Variants in ABHD5 observed in about 807,000 individuals in gnomAD.
ABHD5 encodes the protein abhydrolase domain containing 5, lysophosphatidic acid acyltransferase.
ABHD5 carries 30 observed loss-of-function variants against 44.9 expected under a neutral mutation model. The ratio of observed to expected loss-of-function variants is 0.67; its 90% confidence interval spans 0.50 to 0.91. The LOEUF is 0.91. Ranked by LOEUF, ABHD5 falls within the 40% of genes least tolerant of loss-of-function variation. ABHD5 has a pLI of 0.00. For missense variants in ABHD5, 399 were observed against 423.4 expected, an observed-to-expected ratio of 0.94 and a Z score of 0.50; for synonymous variants, 167 against 147.0, an observed-to-expected ratio of 1.14 and a Z score of -0.99.
intron 3 of ABHD5, among the ~76,000 whole-genome samples, chr3:43,706,329 C>A (rs542476032): frequency 5.1e-4 from 78 of 152,200 alleles, no homozygotes; most frequent in African/African-American, 1.8e-3. Context: ...TTCAGAAAGA[C>A]TTTTGGTGGG....
chr3:43,691,999 G>C (rs2084398490), intron 1 of ABHD5, among the ~76,000 whole-genome samples: 1 of 152,198 alleles, frequency 6.6e-6, no homozygotes, highest in African/African-American at 2.4e-5. Context: ...CTTGTTAGTA[G>C]AAGAATAGTA....
chr3:43,702,384 C>G lies in ABHD5; in HGVS notation c.303C>G (p.Asn101Lys). ...WALNFGDLCT[N>K]RPVYAFDLLG... is the part of the protein sequence containing the mutation. ...TGAATTTTGGAGATCTTTGCACCAA[C>G]AGACCTGTCTATGCTTTTGACCTAT... is the stretch of plus-strand genomic sequence containing the variant. Residue 101 changes from asparagine to lysine, a missense_variant, in exon 3 of 7, where the codon AAC becomes AAG. Physicochemically the swap from Asn to Lys is moderately conservative, Grantham distance 94. Transcript: ENST00000644371. 5 of 1,614,224 alleles carry G rather than the reference C, an allele frequency of 3.1e-6. No individual in the cohort carries two copies. The highest frequency in any genetic ancestry group is 3.4e-6 in the Non-Finnish European group (4 of 1,180,050).
chr3:43,706,188 C>T (rs1434988008), intron 3 of ABHD5, among the ~76,000 whole-genome samples: 1 of 152,204 alleles, frequency 6.6e-6, no homozygotes, highest in Non-Finnish European at 1.5e-5. Context: ...CACGTTTTCT[C>T]TGGTGCAATA....
chr3:43,725,299 A>C (rs1272341326), downstream of ABHD5, among the ~76,000 whole-genome samples: 3 of 152,176 alleles, frequency 2.0e-5, no homozygotes. Context: ...TCTCATGTGC[A>C]CCATTATATC....
At chr3:43,718,325 G>C (rs933704036) in intron 6 of ABHD5, 118 bp from the exon 7 acceptor site, 2 of 828,702 alleles carry the variant, frequency 2.4e-6, no homozygotes, top group Non-Finnish European at 2.1e-6. Context: ...TTTTAATCAC[G>C]TGTTTTATTT....
intron 1 of ABHD5, among the ~76,000 whole-genome samples, chr3:43,696,743 G>C (rs1450968508): frequency 6.6e-6 from 1 of 152,180 alleles, no homozygotes; most frequent in Admixed American, 6.5e-5. Flanking sequence ...AGAAGCAGAG[G>C]ATAGTTTCTG....
chr3:43,690,905 C>A, upstream of ABHD5: 1 of 1,408,350 alleles, frequency 7.1e-7, no homozygotes, highest in East Asian at 2.9e-5. Context: ...CGGCCTGCGC[C>A]GCCTTAAGTG....
At chr3:43,714,357 A>C (rs528203964) in intron 4 of ABHD5, among the ~76,000 whole-genome samples, 1 of 150,780 alleles carries the variant, frequency 6.6e-6, no homozygotes, top group South Asian at 2.1e-4. Flanking sequence ...CTGGTCTCGA[A>C]CTCCTGACCT....
At position 43,717,799 on chromosome 3, in the gene ABHD5, A is replaced by T. The variant is rs1328916571; in HGVS notation, c.902A>T (p.Asp301Val). The T allele has an allele frequency of 2.5e-6, 4 of 1,614,218 alleles. No homozygotes were observed. The highest frequency in any genetic ancestry group is 3.4e-6 in the Non-Finnish European group (4 of 1,180,024). Residue 301 changes from aspartate (D) to valine (V), a missense_variant, in exon 6 of 7, where the codon GAT becomes GTT. By Grantham distance (152) the Asp-to-Val change is radical (BLOSUM62 -3). Transcript: ENST00000644371. ...ATCTTTGGCGCCCGATCCTGCATAG[A>T]TGGCAATTCTGGCACCAGCATCCAG... is the stretch of plus-strand genomic sequence containing the variant. Reference protein sequence around the residue: ...SVIFGARSCIDGNSGTSIQSL... With the variant: ...SVIFGARSCIVGNSGTSIQSL...
chr3:43,701,583 A>G (rs2084542501), intron 2 of ABHD5, among the ~76,000 whole-genome samples: 1 of 152,158 alleles, frequency 6.6e-6, no homozygotes, highest in African/African-American at 2.4e-5. Flanking sequence ...AATTGTGACT[A>G]TTTGCTTTTT....
chr3:43,721,866 C>G lies in ABHD5; in HGVS notation c.*3334C>G, dbSNP rs187478578. 50 of 152,096 alleles carry G rather than the reference C, an allele frequency of 3.3e-4. 2 individuals are homozygous for G. The highest frequency in any genetic ancestry group is 2.9e-3 in the Admixed American group (44 of 15,268). 9.4% of individuals were successfully genotyped at this position (152,096 alleles called of 1,614,324 possible). A position where few individuals can be genotyped will look rare whatever the true frequency, so the allele number is the denominator to read the frequency against. On this transcript the variant is annotated 3_prime_UTR_variant, in exon 7 of 7. Transcript: ENST00000644371. ...AGAATGCAAATGGTCTTTAAACATACAAGGATATGCATAAAAAGACAAATG... is the reference window on the plus strand; with the variant it reads ...AGAATGCAAATGGTCTTTAAACATAGAAGGATATGCATAAAAAGACAAATG...
At chr3:43,731,050 G>A (rs2084909760) in intron 7 of ABHD5, among the ~76,000 whole-genome samples, 1 of 151,134 alleles carries the variant, frequency 6.6e-6, no homozygotes, top group African/African-American at 2.4e-5. Context: ...CGGTGGTCTC[G>A]ATCTCCTGAC....
At chr3:43,725,809 A>G (rs576798084), downstream of ABHD5, among the ~76,000 whole-genome samples, 4 of 152,128 alleles carry the variant, frequency 2.6e-5, no homozygotes, top group Admixed American at 2.6e-4. Flanking sequence ...GTGGGAGACA[A>G]GTGCATTGTT....
chr3:43,691,068 T>G, intron 1 of ABHD5, 29 bp downstream of exon 1: 1 of 1,527,316 alleles, frequency 6.5e-7, no homozygotes, highest in Non-Finnish European at 8.8e-7. Context: ...GGGCTTCGTG[T>G]GTCTCCGGCG....
At chr3:43,695,611 TG>T (rs2149591802) in intron 1 of ABHD5, among the ~76,000 whole-genome samples, 1 of 152,348 alleles carries the variant, frequency 6.6e-6, no homozygotes, top group South Asian at 2.1e-4. Flanking sequence ...CCTCTTTCAC[TG>T]TTTCATAATG....
At chr3:43,713,642 C>A (rs1260141594) in intron 4 of ABHD5, among the ~76,000 whole-genome samples, 1 of 152,184 alleles carries the variant, frequency 6.6e-6, no homozygotes, top group Non-Finnish European at 1.5e-5. Flanking sequence ...AGTAGAGCCA[C>A]TCCTTACTAT....
At position 43,718,878 on chromosome 3, in the gene ABHD5, A is replaced by G. The variant is rs2084801517; in HGVS notation, c.*346A>G. Reference sequence around the variant, plus strand: ...TAGTTATTTTTATATTGCAATCTATATTACCAATTTAGGAAGTGATTTCTG... The same window carrying G: ...TAGTTATTTTTATATTGCAATCTATGTTACCAATTTAGGAAGTGATTTCTG... On this transcript the variant is annotated 3_prime_UTR_variant, in exon 7 of 7. Coordinates refer to ENST00000644371, the MANE Select transcript of ABHD5 (RefSeq NM_016006.6). 7.8e-6 allele frequency: 2 copies of G among 257,754 alleles called. No homozygotes were observed. The highest frequency in any genetic ancestry group is 1.5e-5 in the Non-Finnish European group (2 of 131,472). 16.0% of individuals were successfully genotyped at this position (257,754 alleles called of 1,614,324 possible). A position where few individuals can be genotyped will look rare whatever the true frequency, so the allele number is the denominator to read the frequency against.
intron 3 of ABHD5, among the ~76,000 whole-genome samples, chr3:43,706,343 G>A (rs554097319): frequency 6.6e-6 from 1 of 152,080 alleles, no homozygotes; most frequent in African/African-American, 2.4e-5. Context: ...TGGTGGGCGT[G>A]GGGGGAGCGG....
chr3:43,732,750 C>A (rs1697259653), intron 7 of ABHD5, among the ~76,000 whole-genome samples: 1 of 152,188 alleles, frequency 6.6e-6, no homozygotes, highest in Non-Finnish European at 1.5e-5. Context: ...CATGGCTGAG[C>A]TAGGTCCTCT....
Sources: allele counts gnomAD v4.1 joint callset (sites outside exome capture counted in the v4.1 genomes callset), GRCh38; gene constraint gnomAD v4.1.1; transcripts MANE v1.5; gene names NCBI Gene and HGNC (gene_info 2026-07-23, HGNC 2026-07-21).